The following LDLRAD4 variants were observed in gnomAD, a reference collection of about 807,000 sequenced individuals.
The protein encoded by LDLRAD4 is low density lipoprotein receptor class A domain containing 4, also known as low-density lipoprotein receptor class A domain-containing protein 4.
A neutral mutation model predicts 17.0 loss-of-function variants in LDLRAD4; 5 were observed. The ratio of observed to expected loss-of-function variants is 0.29; its 90% CI spans 0.15 to 0.62. The LOEUF is 0.62. Among genes scored for constraint, LDLRAD4 ranks in the 20% least tolerant of loss-of-function variants. The pLI, the probability that LDLRAD4 is intolerant of heterozygous loss-of-function variation, is 0.84. For synonymous variants in LDLRAD4, 168 were observed against 171.8 expected (o/e 0.98, Z 0.17); for missense variants, 340 against 424.7 (o/e 0.80, Z 1.75).
rs540077244 is a variant in LDLRAD4, at chr18:13,532,676, CAG to C, written c.182-88440_182-88439del. On this transcript the variant is annotated intron_variant, in intron 3 of 5. Transcript: ENST00000359446. ...TCATCATCTTGTCTGGTTTTATAAA[CAG>C]GGAGATGAATCCACCTTCATCGGAC... 1.1e-4 allele frequency among the ~76,000 whole-genome samples: 16 copies of C among 152,366 alleles called. No individual in the cohort carries two copies. In the South Asian group the frequency reaches 3.3e-3, roughly 32 times the overall value.
chr18:13,409,728 T>C (rs2088143708), intron 2 of LDLRAD4, among the ~76,000 whole-genome samples: 1 of 152,158 alleles, frequency 6.6e-6, no homozygotes, highest in Non-Finnish European at 1.5e-5. Flanking sequence ...AGTTAGTACA[T>C]GTAGAAGAAT....
chr18:13,231,684 T>C (rs1448661178), intron 1 of LDLRAD4, among the ~76,000 whole-genome samples: 2 of 152,240 alleles, frequency 1.3e-5, no homozygotes, highest in Non-Finnish European at 2.9e-5. Context: ...CACTTTCGCA[T>C]GGGAATAATA....
chr18:13,629,299 A>T (rs1035710906), intron 4 of LDLRAD4, among the ~76,000 whole-genome samples: 8 of 152,240 alleles, frequency 5.3e-5, no homozygotes, highest in African/African-American at 1.9e-4. Flanking sequence ...TGTTCATTAT[A>T]TGGGTGATCA....
chr18:13,238,445 T>A (rs985942823), intron 1 of LDLRAD4, among the ~76,000 whole-genome samples: 1 of 152,250 alleles, frequency 6.6e-6, no homozygotes, highest in Non-Finnish European at 1.5e-5. Flanking sequence ...TGGATGCACC[T>A]GATGCCTTCT....
intron 4 of LDLRAD4, among the ~76,000 whole-genome samples, chr18:13,623,060 C>T (rs1320029110): frequency 6.6e-6 from 1 of 152,244 alleles, no homozygotes; most frequent in African/African-American, 2.4e-5. Flanking sequence ...CTTGCTGTCC[C>T]TGTTCATAGC....
chr18:13,496,270 A>C (rs1349713326), intron 3 of LDLRAD4, among the ~76,000 whole-genome samples: 8 of 152,196 alleles, frequency 5.3e-5, no homozygotes. Flanking sequence ...CTGGAAACAC[A>C]AAACATCCAC....
At chr18:13,448,835 A>C (rs370934802) in intron 3 of LDLRAD4, among the ~76,000 whole-genome samples, 20 of 152,190 alleles carry the variant, frequency 1.3e-4, no homozygotes, top group African/African-American at 4.8e-4. Flanking sequence ...ATAAAGCTGA[A>C]GTCTAAAGCT....
chr18:13,382,886 G>T (rs960776495), intron 1 of LDLRAD4, among the ~76,000 whole-genome samples: 1 of 152,250 alleles, frequency 6.6e-6, no homozygotes, highest in Admixed American at 6.5e-5. Flanking sequence ...AGTGTTGGGC[G>T]CAGTTCTTGC....
intron 3 of LDLRAD4, among the ~76,000 whole-genome samples, chr18:13,525,556 C>T (rs764175900): frequency 1.2e-4 from 19 of 152,222 alleles, no homozygotes; most frequent in Non-Finnish European, 2.5e-4. Context: ...GGGCGTGCTT[C>T]AGGGGGCTGA....
intron 4 of LDLRAD4, among the ~76,000 whole-genome samples, chr18:13,629,778 A>G (rs2041498458): frequency 7.2e-6 from 1 of 138,616 alleles, no homozygotes; most frequent in African/African-American, 2.6e-5. Flanking sequence ...GTTTGTTCTG[A>G]AAAAAAAAAA....
chr18:13,384,380 T>C (rs1359343464), intron 1 of LDLRAD4, among the ~76,000 whole-genome samples: 1 of 152,268 alleles, frequency 6.6e-6, no homozygotes, highest in Admixed American at 6.5e-5. Flanking sequence ...TGAATTAATA[T>C]ATCCATCACC....
intron 1 of LDLRAD4, among the ~76,000 whole-genome samples, chr18:13,380,244 G>A (rs1024262361): frequency 2.0e-5 from 3 of 152,190 alleles, no homozygotes; most frequent in Non-Finnish European, 4.4e-5. Context: ...GGCCTGGTTC[G>A]GGCCCTGGAA....
At chr18:13,631,402 G>A (rs1284428) in intron 4 of LDLRAD4, among the ~76,000 whole-genome samples, 98,997 of 151,934 alleles carry the variant, frequency 0.65, 32,546 homozygotes, top group East Asian at 0.92. Flanking sequence ...TGGCTTCAGT[G>A]GTGAATTCTA....
intron 3 of LDLRAD4, among the ~76,000 whole-genome samples, chr18:13,529,471 C>T (rs2094093148): frequency 6.6e-6 from 1 of 152,190 alleles, no homozygotes; most frequent in Non-Finnish European, 1.5e-5. Context: ...ACCTCAAAGG[C>T]AGGCTGTCGC....
intron 1 of LDLRAD4, among the ~76,000 whole-genome samples, chr18:13,324,432 G>T (rs565985939): frequency 6.6e-6 from 1 of 152,096 alleles, no homozygotes; most frequent in African/African-American, 2.4e-5. Flanking sequence ...ATGAGCCACC[G>T]CGCCTGGCCT....
At chr18:13,383,751 G>A (rs964651168) in intron 1 of LDLRAD4, among the ~76,000 whole-genome samples, 5 of 152,028 alleles carry the variant, frequency 3.3e-5, no homozygotes, top group African/African-American at 9.7e-5. Flanking sequence ...CCCACCCTGC[G>A]CTGCCTGTTG....
intron 3 of LDLRAD4, among the ~76,000 whole-genome samples, chr18:13,547,037 A>T (rs1217057816): frequency 1.3e-5 from 2 of 152,188 alleles, no homozygotes; most frequent in Non-Finnish European, 2.9e-5. Context: ...CTTGAAATTT[A>T]TTGATGCTAG....
rs1491536129 is a variant in LDLRAD4 at position 13,610,305 on chromosome 18, T to TTTTTTTTTTTTTTTTTTTTTC, written c.182-10812_182-10811insTTTTTTTTTTTTTTTTTTTTC. Among the ~76,000 whole-genome samples the TTTTTTTTTTTTTTTTTTTTTC allele has an allele frequency of 1.1e-3, 26 of 24,362 alleles. 9 individuals carry two copies. The highest frequency in any genetic ancestry group is 1.6e-3 in the Non-Finnish European group (19 of 11,546). The allele number at this position is 24,362 out of a possible 152,430, so 16.0% of individuals were successfully genotyped here. On this transcript the variant is annotated intron_variant, in intron 3 of 5. Transcript: ENST00000359446. Reference sequence around the variant, plus strand: ...TTTTTTTTTTTTTTTTTTTTTTTTTTGAGACGGAGTCTCACTCTGTCGCCC... The same window carrying TTTTTTTTTTTTTTTTTTTTTC: ...TTTTTTTTTTTTTTTTTTTTTTTTTTTTTTTTTTTTTTTTTTTTTTCGAGACGGAGTCTCACTCTGTCGCCC...
chr18:13,227,792 T>C (rs923404689), intron 1 of LDLRAD4, among the ~76,000 whole-genome samples: 9 of 152,168 alleles, frequency 5.9e-5, no homozygotes, highest in African/African-American at 1.9e-4. Flanking sequence ...GAACTCACTA[T>C]CATGAGAACA....
Sources: allele counts gnomAD v4.1 joint callset (sites outside exome capture counted in the v4.1 genomes callset), GRCh38; gene constraint gnomAD v4.1.1; transcripts MANE v1.5; gene names NCBI Gene and HGNC (gene_info 2026-07-23, HGNC 2026-07-21).